NTM: variants seen among roughly 807,000 people sequenced by gnomAD.
NTM encodes the protein IgLON family member 2.
NTM carries 13 observed loss-of-function variants against 42.1 expected under a neutral mutation model. That is an observed-to-expected ratio of 0.31 (90% CI 0.20 to 0.49). NTM has a LOEUF of 0.49. Among genes scored for constraint, NTM ranks in the 20% least tolerant of loss-of-function variants. NTM has a pLI of 0.99. For missense variants in NTM, 373 were observed against 452.8 expected (o/e 0.82, Z 1.60); for synonymous variants, 187 against 179.2 (o/e 1.04, Z -0.35).
At position 131,577,382 on chromosome 11, in the gene NTM, A is replaced by G. The variant is rs77098174; in HGVS notation, c.82+206494A>G. 2.2e-3 allele frequency among the ~76,000 whole-genome samples: 342 copies of G among 152,324 alleles called. 3 individuals are homozygous for G. Among genetic ancestry groups the G allele is most frequent in the African/African-American group, 7.7e-3 (318 of 41,564 alleles). ...GTCCTGAGGCTATCTATCAACTCTT[A>G]TAGCACTTCTGTGAGGCACAGAGCA... On this transcript the variant is annotated intron_variant, in intron 1 of 8. Transcript: ENST00000683400.
At chr11:131,947,625 G>A (rs565883150) in intron 2 of NTM, among the ~76,000 whole-genome samples, 1 of 152,166 alleles carries the variant, frequency 6.6e-6, no homozygotes, top group Non-Finnish European at 1.5e-5. Flanking sequence ...GGGCCCTGGG[G>A]TCTGTCCATG....
intron 6 of NTM, 115 bp downstream of exon 6, chr11:132,310,347 A>T: frequency 9.4e-7 from 1 of 1,068,568 alleles, no homozygotes; most frequent in Non-Finnish European, 1.3e-6. Flanking sequence ...TTCTGAACTT[A>T]TCTCTATAGG....
At chr11:132,065,869 A>G (rs2056403208) in intron 2 of NTM, among the ~76,000 whole-genome samples, 1 of 152,240 alleles carries the variant, frequency 6.6e-6, no homozygotes, top group Non-Finnish European at 1.5e-5. Flanking sequence ...CTTATCTGTG[A>G]GCACGTGGAC....
rs374809597 is a variant in NTM at position 132,033,638 on chromosome 11, A to G, written c.168-112644A>G. Among the ~76,000 whole-genome samples the G allele has an allele frequency of 3.1e-4, 47 of 152,306 alleles. 2 individuals carry two copies. The highest frequency in any genetic ancestry group is 1.1e-3 in the African/African-American group (44 of 41,570). On this transcript the variant is annotated intron_variant, in intron 2 of 8. Coordinates refer to ENST00000683400, the MANE Select transcript of NTM (RefSeq NM_001352005.2). ...CTAATGCTGTCACTTTCCTGTAGGA[A>G]TGTACCATGTGAACCAGATGCAGCG...
At chr11:132,035,372 T>G (rs1232357535) in intron 2 of NTM, among the ~76,000 whole-genome samples, 5 of 152,362 alleles carry the variant, frequency 3.3e-5, no homozygotes, top group Middle Eastern at 3.4e-3. Context: ...TTGAGTGTCA[T>G]GCTTCTTTGT....
chr11:131,967,281 G>C (rs1037493858), intron 2 of NTM, among the ~76,000 whole-genome samples: 1 of 152,164 alleles, frequency 6.6e-6, no homozygotes, highest in South Asian at 2.1e-4. Flanking sequence ...GAATAGAAGA[G>C]GTCCAGGCAT....
At chr11:132,232,612 T>C (rs2087851835) in intron 4 of NTM, among the ~76,000 whole-genome samples, 1 of 152,204 alleles carries the variant, frequency 6.6e-6, no homozygotes, top group East Asian at 1.9e-4. Flanking sequence ...CCAATTAACT[T>C]CTCTGAACCT....
At chr11:131,973,134 T>A (rs2063797459) in intron 2 of NTM, among the ~76,000 whole-genome samples, 1 of 152,226 alleles carries the variant, frequency 6.6e-6, no homozygotes, top group African/African-American at 2.4e-5. Context: ...GCTGCCTTTT[T>A]CCTCTGTTCC....
chr11:131,874,029 TAATATATATATATATATA>T lies in NTM; in HGVS notation c.83-37534_83-37517del, dbSNP rs1434850542. 7.9e-3 allele frequency among the ~76,000 whole-genome samples: 402 copies of T among 50,952 alleles called. 13 individuals carry two copies. Among genetic ancestry groups the T allele is most frequent in the African/African-American group, 0.019 (373 of 19,318 alleles). 33.4% of individuals were successfully genotyped at this position (50,952 alleles called of 152,430 possible). ...TATAATATATTTATATAATATAATATAATATATATATATATATATATATATATATATATATATATCAGC... is the reference window on the plus strand; with the variant it reads ...TATAATATATTTATATAATATAATATTATATATATATATATATATATCAGC... On this transcript the variant is annotated intron_variant, in intron 1 of 8. Transcript: ENST00000683400.
chr11:131,903,924 C>T (rs1039602361), intron 1 of NTM, among the ~76,000 whole-genome samples: 1 of 151,090 alleles, frequency 6.6e-6, no homozygotes, highest in African/African-American at 2.5e-5. Flanking sequence ...TTCTCAGTGA[C>T]ACACAGATCA....
chr11:132,161,304 A>G (rs2074210745), intron 3 of NTM, among the ~76,000 whole-genome samples: 2 of 148,744 alleles, frequency 1.3e-5, no homozygotes, highest in Admixed American at 1.3e-4. Flanking sequence ...TTCCATAGAC[A>G]GTTCTCTTCT....
intron 1 of NTM, among the ~76,000 whole-genome samples, chr11:131,840,156 A>G (rs933368012): frequency 6.6e-6 from 1 of 152,208 alleles, no homozygotes; most frequent in Non-Finnish European, 1.5e-5. Context: ...TACCAGACAC[A>G]TGCATTGGGA....
chr11:131,637,369 G>T (rs1190857829), intron 1 of NTM, among the ~76,000 whole-genome samples: 3 of 151,844 alleles, frequency 2.0e-5, no homozygotes, highest in Non-Finnish European at 4.4e-5. Flanking sequence ...TATTGAGGGT[G>T]ATTTGGAAGT....
At chr11:131,845,585 C>T (rs2136731958) in intron 1 of NTM, among the ~76,000 whole-genome samples, 1 of 151,542 alleles carries the variant, frequency 6.6e-6, no homozygotes, top group South Asian at 2.1e-4. Flanking sequence ...TTTACATTGT[C>T]CTTCAAATAC....
chr11:131,390,586 C>A (rs548592247), intron 1 of NTM, among the ~76,000 whole-genome samples: 4 of 152,050 alleles, frequency 2.6e-5, no homozygotes, highest in East Asian at 1.9e-4. Context: ...GGATTGAGGT[C>A]GGGGTGGAGA....
At chr11:131,531,639 A>G (rs2051291513) in intron 1 of NTM, among the ~76,000 whole-genome samples, 1 of 152,206 alleles carries the variant, frequency 6.6e-6, no homozygotes, top group Non-Finnish European at 1.5e-5. Context: ...AAAACTAAAC[A>G]TAAGCCAACC....
intron 1 of NTM, among the ~76,000 whole-genome samples, chr11:131,772,870 T>A (rs916802364): frequency 6.6e-6 from 1 of 152,044 alleles, no homozygotes; most frequent in Non-Finnish European, 1.5e-5. Flanking sequence ...ATCTGAGAAG[T>A]GGTGGAAATA....
chr11:131,809,789 G>A (rs1241918890), intron 1 of NTM, among the ~76,000 whole-genome samples: 1 of 152,170 alleles, frequency 6.6e-6, no homozygotes, highest in Admixed American at 6.5e-5. Context: ...GTGGGCCAGG[G>A]TGCAGAGTGA....
intron 1 of NTM, among the ~76,000 whole-genome samples, chr11:131,665,780 C>A (rs1235363626): frequency 1.3e-5 from 2 of 152,166 alleles, no homozygotes; most frequent in African/African-American, 4.8e-5. Flanking sequence ...GGCCGTGGGC[C>A]ACGGAAAAGA....
Sources: gnomAD v4.1 joint callset for allele counts (sites outside exome capture counted in the v4.1 genomes callset) on GRCh38, gnomAD v4.1.1 for gene constraint, MANE v1.5 for transcripts, NCBI Gene and HGNC (gene_info 2026-07-23, HGNC 2026-07-21) for gene names.